The following ADGRG4 variants were observed in gnomAD, a reference collection of about 807,000 sequenced individuals.
The protein encoded by ADGRG4 is G protein-coupled receptor 112.
Under a neutral mutation model 126.2 loss-of-function variants are expected in ADGRG4, and 122 were observed. The ratio of observed to expected loss-of-function variants is 0.97; its 90% confidence interval spans 0.83 to 1.12. The LOEUF (loss-of-function observed/expected upper bound fraction) is 1.12, where lower values mean the gene tolerates loss of function less well. Among genes scored for constraint, ADGRG4 ranks in the 50% most tolerant of loss-of-function variants. ADGRG4 has a pLI of 0.00. For synonymous variants in ADGRG4, 943 were observed against 838.7 expected, an observed-to-expected ratio of 1.12 and a Z score of -2.15; for missense variants, 2,481 against 2,251.8, an observed-to-expected ratio of 1.10 and a Z score of -2.06.
At position 136,345,584 on chromosome X, in the gene ADGRG4, ATCAGCTTCCACATCCAAGGCACCTGAG is replaced by A. The variant is rs1327669423; in HGVS notation, c.1883_1909del (p.Ala628_Ser636del). ...ACTTGCTTACTTTGATGTCCACTAG[ATCAGCTTCCACATCCAAGGCACCTGAG>A]TCAGGTCCCACATCCACAACTGATG... On this transcript the variant is annotated inframe_deletion, in exon 6 of 26. Coordinates refer to ENST00000394143, the MANE Select transcript of ADGRG4 (RefSeq NM_153834.4). The A allele has an allele frequency of 1.7e-6, 2 of 1,208,644 alleles. No homozygotes were observed. The highest frequency in any genetic ancestry group is 3.5e-5 in the African/African-American group (2 of 56,931).
In ADGRG4 at chrX:136,416,700, C is replaced by T. The variant is rs181009278; in HGVS notation, c.*209C>T. On this transcript the variant is annotated 3_prime_UTR_variant, in exon 26 of 26. Transcript: ENST00000394143. ...AAAAATAAAAAGCAAAACAAAAATC[C>T]CAAAATGAATTCCATTCACAAACAG... 647 of 297,742 alleles carry T rather than the reference C, an allele frequency of 2.2e-3. 1 individual carries two copies. Among genetic ancestry groups the T allele is most frequent in the Non-Finnish European group, 2.4e-3 (408 of 171,399 alleles). The allele number at this position is 297,742 out of a possible 1,213,427, so 24.5% of individuals were successfully genotyped here. A position where few individuals can be genotyped will look rare whatever the true frequency, so the allele number is the denominator to read the frequency against.
intron 3 of ADGRG4, among the ~76,000 whole-genome samples, chrX:136,305,472 G>A (rs771447962): frequency 8.9e-6 from 1 of 112,029 alleles, no homozygotes; most frequent in Non-Finnish European, 1.9e-5. Flanking sequence ...AATCCTCCAC[G>A]GGATTTTGGT....
Position 136,387,678 on chromosome X carries a change from G to A in ADGRG4, c.7777-62G>A, listed in dbSNP as rs773026012. The A allele has an allele frequency of 4.7e-5, 51 of 1,090,986 alleles. No individual in the cohort carries two copies. The South Asian group carries it at 9.6e-4, about 21-fold the overall frequency. 89.9% of individuals were successfully genotyped at this position (1,090,986 alleles called of 1,213,427 possible). A position where few individuals can be genotyped will look rare whatever the true frequency, so the allele number is the denominator to read the frequency against. ...CTGAGGCTGAGCTGGGGTGGGAGGTGGGCAGGACTTCACTATGATGAATGA... is the reference window on the plus strand; with the variant it reads ...CTGAGGCTGAGCTGGGGTGGGAGGTAGGCAGGACTTCACTATGATGAATGA... On this transcript the variant is annotated intron_variant, in intron 15 of 25. Transcript: ENST00000394143.
At position 136,347,419 on chromosome X, in the gene ADGRG4, G is replaced by A. The variant is rs753187923; in HGVS notation, c.3713G>A (p.Arg1238His). The A allele has an allele frequency of 1.8e-5, 22 of 1,208,142 alleles. No individual in the cohort carries two copies. The highest frequency in any genetic ancestry group is 2.3e-4 in the Middle Eastern group (1 of 4,360). The change falls in exon 6 of 26, where the codon CGT becomes CAT. Residue 1238 changes from arginine to histidine, a missense_variant. By Grantham distance (29) the Arg-to-His change is conservative (BLOSUM62 0). Coordinates refer to ENST00000394143, the MANE Select transcript of ADGRG4 (RefSeq NM_153834.4). Reference sequence around the variant, plus strand: ...CACATTTCTTCATCTGCCACATATCGTGTACACACACCAGTGTCCATCCAG... The same window carrying A: ...CACATTTCTTCATCTGCCACATATCATGTACACACACCAGTGTCCATCCAG... The part of the protein sequence containing the change: ...NSHISSSATY[R>H]VHTPVSIQLV...
At chrX:136,350,462 C>A in intron 6 of ADGRG4, 29 bp downstream of exon 6, 9 of 1,168,435 alleles carry the variant, frequency 7.7e-6, no homozygotes, top group Non-Finnish European at 1.0e-5. Flanking sequence ...TGTGGTGTAG[C>A]CCCAACAGAA....
chrX:136,334,826 A>T (rs1297695044), intron 5 of ADGRG4, among the ~76,000 whole-genome samples: 1 of 111,674 alleles, frequency 9.0e-6, no homozygotes, highest in Non-Finnish European at 1.9e-5. Flanking sequence ...TTTCTTGAAG[A>T]TTCCTTGAGG....
intron 15 of ADGRG4, among the ~76,000 whole-genome samples, chrX:136,380,841 A>G (rs1419166795): frequency 9.2e-6 from 1 of 108,280 alleles, no homozygotes; most frequent in Admixed American, 1.0e-4. Flanking sequence ...CCTCCCCAGT[A>G]GCTGGGACTA....
chrX:136,353,064 T>A (rs2075072633), intron 7 of ADGRG4, among the ~76,000 whole-genome samples: 2 of 111,623 alleles, frequency 1.8e-5, no homozygotes, highest in African/African-American at 6.5e-5. Context: ...GGCTCCACTT[T>A]TATGATCTTA....
At chrX:136,414,705 A>G (rs1219163221) in intron 25 of ADGRG4, among the ~76,000 whole-genome samples, 2 of 112,671 alleles carry the variant, frequency 1.8e-5, no homozygotes, top group African/African-American at 6.4e-5. Flanking sequence ...AACCTCAATC[A>G]GAGAAAAGGA....
In ADGRG4 at chrX:136,359,383, A is replaced by G. The variant is rs746803387; in HGVS notation, c.7072A>G (p.Thr2358Ala). The part of the protein sequence containing the change: ...KIKSKIHGNF[T>A]HGNFTQDQLT... ...CAAAAGTAAAATACATGGCAACTTC[A>G]CACATGGAAACTTCACACAAGATCA... Residue 2358 changes from threonine to alanine, a missense_variant, in exon 11 of 26, where the codon ACA becomes GCA. Thr to Ala is a moderately conservative substitution (Grantham distance 58). Coordinates refer to ENST00000394143, the MANE Select transcript of ADGRG4 (RefSeq NM_153834.4). The G allele has an allele frequency of 1.7e-6, 2 of 1,207,814 alleles. No homozygotes were observed. The highest frequency in any genetic ancestry group is 4.4e-5 in the Admixed American group (2 of 45,969).
At chrX:136,382,531 G>A (rs995696569) in intron 15 of ADGRG4, among the ~76,000 whole-genome samples, 3 of 111,682 alleles carry the variant, frequency 2.7e-5, no homozygotes, top group Non-Finnish European at 3.8e-5. Flanking sequence ...TCTGCAGGTC[G>A]TGGTTTTTTT....
chrX:136,404,649 C>A (rs1331078531), intron 22 of ADGRG4, among the ~76,000 whole-genome samples: 1 of 111,553 alleles, frequency 9.0e-6, no homozygotes, highest in Admixed American at 9.5e-5. Flanking sequence ...TAGATATACA[C>A]CATTTAGCAC....
rs898086150 is a variant in ADGRG4, at chrX:136,305,024, G to A, written c.-10+1G>A. On this transcript the variant is annotated splice_donor_variant, in intron 3 of 25. Coordinates refer to ENST00000394143, the MANE Select transcript of ADGRG4 (RefSeq NM_153834.4). LOFTEE classifies it low-confidence loss of function (5UTR_SPLICE). ...TATGTAATCTTCACAGCAATATGAG[G>A]TGAGTTCCATGGTCAGCATTTTACA... The A allele has an allele frequency of 7.1e-5, 8 of 112,085 alleles. No homozygotes were observed. Among genetic ancestry groups the A allele is most frequent in the African/African-American group, 2.6e-4 (8 of 30,868 alleles). 9.2% of individuals were successfully genotyped at this position (112,085 alleles called of 1,213,427 possible).
chrX:136,381,661 G>T (rs2075264456), intron 15 of ADGRG4, among the ~76,000 whole-genome samples: 2 of 110,989 alleles, frequency 1.8e-5, no homozygotes, highest in South Asian at 7.6e-4. Context: ...GACAGAACTA[G>T]TAGGATATAT....
intron 5 of ADGRG4, among the ~76,000 whole-genome samples, chrX:136,331,122 T>G (rs1162345274): frequency 8.9e-6 from 1 of 111,804 alleles, no homozygotes; most frequent in Admixed American, 9.5e-5. Context: ...GCTTAGCTTA[T>G]TTCACTTAAC....
intron 5 of ADGRG4, among the ~76,000 whole-genome samples, chrX:136,341,689 T>C (rs2074979913): frequency 8.9e-6 from 1 of 112,304 alleles, no homozygotes; most frequent in Admixed American, 9.4e-5. Flanking sequence ...ACTTTTTATA[T>C]AGCTTTGTCT....
intron 15 of ADGRG4, among the ~76,000 whole-genome samples, chrX:136,376,258 A>G (rs1482600388): frequency 3.6e-5 from 4 of 112,071 alleles, no homozygotes; most frequent in Non-Finnish European, 5.6e-5. Flanking sequence ...ATTGGTCTAC[A>G]TACCTATTTT....
chrX:136,376,624 C>T (rs954917886), intron 15 of ADGRG4, among the ~76,000 whole-genome samples: 3 of 94,000 alleles, frequency 3.2e-5, no homozygotes, highest in African/African-American at 1.4e-4. Flanking sequence ...AAGTATATTC[C>T]TGGGTATTGT....
chrX:136,323,543 A>G (rs1430864060), intron 5 of ADGRG4, 151 bp downstream of exon 5: 5 of 442,958 alleles, frequency 1.1e-5, no homozygotes, highest in African/African-American at 2.6e-5. Flanking sequence ...TATGATTTCA[A>G]ACTTATAGAA....
Sources: allele counts gnomAD v4.1 joint callset (sites outside exome capture counted in the v4.1 genomes callset), GRCh38; gene constraint gnomAD v4.1.1; transcripts MANE v1.5; gene names NCBI Gene and HGNC (gene_info 2026-07-23, HGNC 2026-07-21).